IGF1R: variants seen among roughly 807,000 people sequenced by gnomAD.
IGF1R encodes insulin like growth factor 1 receptor.
In IGF1R, 44 loss-of-function variants were observed where a neutral mutation model predicts 144.6. The observed-to-expected ratio is 0.30, with a 90% CI of 0.24 to 0.39. The LOEUF is 0.39. Ranked by LOEUF, IGF1R falls within the 10% of genes least tolerant of loss-of-function variation. The pLI is 1.00. For missense variants in IGF1R, 1,355 were observed against 1,833.7 expected, an observed-to-expected ratio of 0.74 and a Z score of 4.77; for synonymous variants, 795 against 722.8, an observed-to-expected ratio of 1.10 and a Z score of -1.60.
At chr15:98,794,030 C>T (rs1377016515) in intron 2 of IGF1R, among the ~76,000 whole-genome samples, 2 of 152,118 alleles carry the variant, frequency 1.3e-5, no homozygotes, top group African/African-American at 2.4e-5. Flanking sequence ...AGGTAGCAGC[C>T]GTAACAAGTG....
At chr15:98,746,080 T>A (rs2054857557) in intron 2 of IGF1R, among the ~76,000 whole-genome samples, 1 of 152,180 alleles carries the variant, frequency 6.6e-6, no homozygotes, top group Non-Finnish European at 1.5e-5. Flanking sequence ...TGTGAATAGA[T>A]CTCCAGTATA....
chr15:98,749,203 C>A (rs148732810), intron 2 of IGF1R, among the ~76,000 whole-genome samples: 80 of 150,284 alleles, frequency 5.3e-4, no homozygotes, highest in African/African-American at 1.9e-3. Flanking sequence ...CTTTTTATTA[C>A]GTAAATACCC....
At position 98,786,574 on chromosome 15, in the gene IGF1R, T is replaced by TC. The variant is rs1433951977; in HGVS notation, c.640+78468dup. Among the ~76,000 whole-genome samples, 3 of 152,216 alleles carry TC rather than the reference T, an allele frequency of 2.0e-5. No homozygotes were observed. In the East Asian group the frequency reaches 5.8e-4, roughly 29 times the overall value. ...ATCAAAATCTATAAGCCTATTTCAG[T>TC]CAAGTATTCTAAGGAACCTGGAAAC... On this transcript the variant is annotated intron_variant, in intron 2 of 20. Transcript: ENST00000650285.
At chr15:98,835,198 C>T (rs2057078158) in intron 2 of IGF1R, among the ~76,000 whole-genome samples, 1 of 149,962 alleles carries the variant, frequency 6.7e-6, no homozygotes, top group South Asian at 2.1e-4. Flanking sequence ...CACCCACACA[C>T]CTTCCCACAC....
chr15:98,744,074 T>C (rs974980349), intron 2 of IGF1R, among the ~76,000 whole-genome samples: 1 of 151,958 alleles, frequency 6.6e-6, no homozygotes, highest in Non-Finnish European at 1.5e-5. Context: ...CATTTGGAAA[T>C]GTGGACTGGT....
Position 98,652,078 on chromosome 15 carries a change from TAG to T in IGF1R, c.94+2406_94+2407del, listed in dbSNP as rs563014401. On this transcript the variant is annotated intron_variant, in intron 1 of 20. Coordinates refer to ENST00000650285, the MANE Select transcript of IGF1R (RefSeq NM_000875.5). ...GTATTTTGCTGGCGTATTGAGAGAT[TAG>T]AGTTTCCTCTTTGAGTGTGATGGCA... Among the ~76,000 whole-genome samples the T allele has an allele frequency of 2.9e-3, 444 of 152,324 alleles. 2 individuals carry two copies. The highest frequency in any genetic ancestry group is 9.6e-3 in the African/African-American group (401 of 41,562).
Position 98,908,855 on chromosome 15 carries a change from G to A in IGF1R, c.1418G>A (p.Ser473Asn), listed in dbSNP as rs2151670353. Reference sequence around the variant, plus strand: ...GTGACGGGGACTAAAGGGCGCCAAAGCAAAGGGGACATAAACACCAGGAAC... The same window carrying A: ...GTGACGGGGACTAAAGGGCGCCAAAACAAAGGGGACATAAACACCAGGAAC... ...EEVTGTKGRQ[S>N]KGDINTRNNG... The change falls in exon 6 of 21, where the codon AGC (serine) becomes AAC (asparagine). Residue 473 changes from serine to asparagine, a missense_variant. This residue lies in a region of IGF1R where 880 missense variants were observed against 1,202.7 expected (regional missense o/e 0.73). Transcript: ENST00000650285. The A allele has an allele frequency of 6.2e-7, 1 of 1,614,140 alleles. No individual in the cohort carries two copies. Among genetic ancestry groups the A allele is most frequent in the Non-Finnish European group, 8.5e-7 (1 of 1,180,012 alleles).
chr15:98,732,691 A>G (rs1440093657), intron 2 of IGF1R, among the ~76,000 whole-genome samples: 1 of 152,132 alleles, frequency 6.6e-6, no homozygotes, highest in Admixed American at 6.5e-5. Context: ...GAAGATGACC[A>G]CCCTTGCCAT....
intron 2 of IGF1R, among the ~76,000 whole-genome samples, chr15:98,736,327 G>T (rs1475124456): frequency 6.6e-6 from 1 of 152,176 alleles, no homozygotes; most frequent in Non-Finnish European, 1.5e-5. Flanking sequence ...AACATTGTGT[G>T]TATTGAACTT....
chr15:98,877,173 G>GGA (rs2013100556), intron 2 of IGF1R, among the ~76,000 whole-genome samples: 1 of 152,102 alleles, frequency 6.6e-6, no homozygotes, highest in African/African-American at 2.4e-5. Context: ...GGACCCAGAG[G>GGA]GAGAGAGAGA....
intron 1 of IGF1R, 62 bp downstream of exon 1, chr15:98,649,737 T>C: frequency 1.5e-6 from 2 of 1,315,628 alleles, no homozygotes; most frequent in Non-Finnish European, 1.1e-6. Context: ...GGCTGCGCCC[T>C]GTTTGCGAAA....
intron 20 of IGF1R, 34 bp downstream of exon 20, chr15:98,948,742 A>T: frequency 6.2e-7 from 1 of 1,611,682 alleles, no homozygotes; most frequent in Non-Finnish European, 8.5e-7. Flanking sequence ...TGCTCTTCTG[A>T]GTTCTCTTCT....
At chr15:98,915,182 A>T (rs1012508854) in intron 8 of IGF1R, among the ~76,000 whole-genome samples, 3 of 152,196 alleles carry the variant, frequency 2.0e-5, no homozygotes, top group Admixed American at 6.5e-5. Context: ...GATGCATTTG[A>T]TCTTTATGCA....
intron 2 of IGF1R, among the ~76,000 whole-genome samples, chr15:98,717,179 G>C (rs1346696025): frequency 6.6e-6 from 1 of 152,168 alleles, no homozygotes; most frequent in Non-Finnish European, 1.5e-5. Context: ...TTGATGCCTT[G>C]AGATAGTGCC....
At chr15:98,808,124 T>C (rs2056506889) in intron 2 of IGF1R, among the ~76,000 whole-genome samples, 1 of 152,154 alleles carries the variant, frequency 6.6e-6, no homozygotes. Context: ...TGGGGAAGAA[T>C]GATGTTAGGG....
intron 2 of IGF1R, among the ~76,000 whole-genome samples, chr15:98,730,530 C>T (rs754483272): frequency 6.6e-6 from 1 of 152,172 alleles, no homozygotes; most frequent in Non-Finnish European, 1.5e-5. Context: ...GTGCCCCATA[C>T]TTAGTGCACA....
At chr15:98,708,720 A>G (rs1286299951) in intron 2 of IGF1R, among the ~76,000 whole-genome samples, 2 of 152,184 alleles carry the variant, frequency 1.3e-5, no homozygotes, top group Non-Finnish European at 2.9e-5. Flanking sequence ...CATTTCTGCA[A>G]GTCCCAGGTT....
At chr15:98,718,173 C>T (rs1042396842) in intron 2 of IGF1R, among the ~76,000 whole-genome samples, 3 of 152,194 alleles carry the variant, frequency 2.0e-5, no homozygotes, top group Non-Finnish European at 4.4e-5. Flanking sequence ...TGCCCGAAGC[C>T]GGGCTTCTGT....
chr15:98,661,171 G>C (rs1315250783), intron 1 of IGF1R, among the ~76,000 whole-genome samples: 1 of 152,144 alleles, frequency 6.6e-6, no homozygotes, highest in Non-Finnish European at 1.5e-5. Flanking sequence ...TTGTTTTCTT[G>C]GTGAGGCCAG....
Sources: gnomAD v4.1 joint callset for allele counts (sites outside exome capture counted in the v4.1 genomes callset) on GRCh38, gnomAD v4.1.1 for gene constraint, gnomAD v4.1.1 regional missense constraint, MANE v1.5 for transcripts, NCBI Gene and HGNC (gene_info 2026-07-23, HGNC 2026-07-21) for gene names.